Variants in SPOCK1 observed in about 807,000 individuals in gnomAD.
SPOCK1 encodes the protein SPARC (osteonectin), cwcv and kazal like domains proteoglycan 1.
A neutral mutation model predicts 55.3 loss-of-function variants in SPOCK1; 23 were observed. The ratio of observed to expected loss-of-function variants is 0.42; its 90% CI spans 0.30 to 0.59. The LOEUF is 0.59. Among genes scored for constraint, SPOCK1 ranks in the 20% least tolerant of loss-of-function variants. SPOCK1 has a pLI of 0.22. For missense variants in SPOCK1, 499 were observed against 552.5 expected (o/e 0.90, Z 0.97); for synonymous variants, 226 against 221.0 (o/e 1.02, Z -0.20).
chr5:137,484,857 T>C (rs548231617), intron 2 of SPOCK1, among the ~76,000 whole-genome samples: 14 of 152,300 alleles, frequency 9.2e-5, no homozygotes, highest in African/African-American at 3.1e-4. Flanking sequence ...AAAAACACCA[T>C]TAAAATGTCA....
chr5:137,189,671 A>G (rs923127546), intron 3 of SPOCK1, among the ~76,000 whole-genome samples: 61 of 152,292 alleles, frequency 4.0e-4, no homozygotes, highest in African/African-American at 1.4e-3. Context: ...CCCTTTTTGT[A>G]GGCCACGGAT....
intron 2 of SPOCK1, among the ~76,000 whole-genome samples, chr5:137,381,117 C>T (rs1052075227): frequency 6.6e-6 from 1 of 152,042 alleles, no homozygotes; most frequent in African/African-American, 2.4e-5. Context: ...AAGTCCAAAA[C>T]TGAGCAGGGC....
chr5:137,170,473 TA>T (rs1230387444), intron 3 of SPOCK1, among the ~76,000 whole-genome samples: 1 of 152,160 alleles, frequency 6.6e-6, no homozygotes, highest in African/African-American at 2.4e-5. Flanking sequence ...AATGTGATGA[TA>T]TTTGGAGATG....
chr5:137,370,180 G>T (rs1051546150), intron 2 of SPOCK1, among the ~76,000 whole-genome samples: 1 of 152,072 alleles, frequency 6.6e-6, no homozygotes, highest in Non-Finnish European at 1.5e-5. Flanking sequence ...CTTCTCACCC[G>T]CTGCCTACCT....
At chr5:137,030,804 T>C (rs1751764169) in intron 6 of SPOCK1, among the ~76,000 whole-genome samples, 1 of 152,218 alleles carries the variant, frequency 6.6e-6, no homozygotes, top group Admixed American at 6.5e-5. Context: ...TAACAAAATA[T>C]TTTGAATAGC....
chr5:136,980,747 T>C (rs1416842074), intron 9 of SPOCK1, among the ~76,000 whole-genome samples: 2 of 152,170 alleles, frequency 1.3e-5, no homozygotes, highest in East Asian at 3.8e-4. Flanking sequence ...GATTGAGGCA[T>C]ATAATTTTGT....
chr5:137,183,332 G>GA (rs933953472), intron 3 of SPOCK1, among the ~76,000 whole-genome samples: 2 of 152,088 alleles, frequency 1.3e-5, no homozygotes, highest in African/African-American at 4.8e-5. Context: ...AAAAAGTCAG[G>GA]AAAAAAGTCT....
At chr5:137,052,259 C>G (rs1296861241) in intron 6 of SPOCK1, among the ~76,000 whole-genome samples, 1 of 152,300 alleles carries the variant, frequency 6.6e-6, no homozygotes, top group South Asian at 2.1e-4. Context: ...AAATGAAATA[C>G]ACCCTCTTTT....
intron 2 of SPOCK1, among the ~76,000 whole-genome samples, chr5:137,459,925 T>G (rs991508845): frequency 6.6e-6 from 1 of 152,126 alleles, no homozygotes; most frequent in African/African-American, 2.4e-5. Flanking sequence ...GGAAAAGGTA[T>G]GCTAGGAGAA....
At chr5:137,123,877 C>T (rs1213422949) in intron 4 of SPOCK1, among the ~76,000 whole-genome samples, 1 of 152,066 alleles carries the variant, frequency 6.6e-6, no homozygotes, top group Non-Finnish European at 1.5e-5. Context: ...GATAGATCCA[C>T]AAAAATGGAA....
At chr5:137,063,512 A>G (rs1044114453) in intron 6 of SPOCK1, among the ~76,000 whole-genome samples, 18 of 152,182 alleles carry the variant, frequency 1.2e-4, no homozygotes, top group African/African-American at 4.3e-4. Context: ...AGAGGCAGAG[A>G]AGCAGAGCAC....
intron 6 of SPOCK1, among the ~76,000 whole-genome samples, chr5:137,019,004 C>T (rs1751508874): frequency 6.6e-6 from 1 of 152,086 alleles, no homozygotes; most frequent in East Asian, 1.9e-4. Flanking sequence ...CACACACATA[C>T]ACAAAAGTGT....
intron 2 of SPOCK1, among the ~76,000 whole-genome samples, chr5:137,407,746 T>G (rs1752129919): frequency 6.6e-6 from 1 of 152,190 alleles, no homozygotes; most frequent in South Asian, 2.1e-4. Context: ...CAAGTCTTTC[T>G]GCTCTGTAAG....
At chr5:137,088,676 C>A (rs989718481) in intron 5 of SPOCK1, among the ~76,000 whole-genome samples, 10 of 152,090 alleles carry the variant, frequency 6.6e-5, no homozygotes, top group Non-Finnish European at 2.9e-5. Context: ...GTAGTAAGGT[C>A]AGAGTCCCTG....
chr5:137,105,627 A>G (rs1171990208), intron 5 of SPOCK1, among the ~76,000 whole-genome samples: 1 of 152,202 alleles, frequency 6.6e-6, no homozygotes, highest in African/African-American at 2.4e-5. Context: ...CAAGGTAGCA[A>G]TTGTTGGAAA....
rs191971842 is a variant in SPOCK1 at position 137,080,742 on chromosome 5, T to C, written c.475-12913A>G. Among the ~76,000 whole-genome samples, 250 of 152,060 alleles carry C rather than the reference T, an allele frequency of 1.6e-3. 2 individuals are homozygous for C. Among genetic ancestry groups the C allele is most frequent in the African/African-American group, 5.7e-3 (235 of 41,472 alleles). ...GCCCCACAAAGCCCTGCCACAACTA[T>C]CACCAAAGAAAGAACAAGTTTCTTG... On this transcript the variant is annotated intron_variant, in intron 5 of 10. Transcript: ENST00000394945.
rs761725763 is a variant in SPOCK1 at position 137,075,989 on chromosome 5, T to G, written c.475-8160A>C. Among the ~76,000 whole-genome samples, 80 of 152,236 alleles carry G rather than the reference T, an allele frequency of 5.3e-4. 1 individual carries two copies. Among genetic ancestry groups the G allele is most frequent in the Non-Finnish European group, 9.8e-4 (67 of 68,042 alleles). Reference sequence around the variant, plus strand: ...CTGGGATTTCGGAGAATAGTGCAGATGAGGAAGGACTTGAAGTTCCTGGGC... The same window carrying G: ...CTGGGATTTCGGAGAATAGTGCAGAGGAGGAAGGACTTGAAGTTCCTGGGC... On this transcript the variant is annotated intron_variant, in intron 5 of 10. Coordinates refer to ENST00000394945, the MANE Select transcript of SPOCK1 (RefSeq NM_004598.4).
At chr5:137,190,991 G>A (rs1420692214) in intron 3 of SPOCK1, among the ~76,000 whole-genome samples, 1 of 152,222 alleles carries the variant, frequency 6.6e-6, no homozygotes, top group Non-Finnish European at 1.5e-5. Flanking sequence ...GGAGAAGCAA[G>A]CCTTGAAAGA....
At chr5:137,059,171 T>C (rs1752351643) in intron 6 of SPOCK1, among the ~76,000 whole-genome samples, 1 of 92,408 alleles carries the variant, frequency 1.1e-5, no homozygotes, top group African/African-American at 3.5e-5. Flanking sequence ...TTGATATGCC[T>C]AGGGGCATCC....
Sources: allele counts gnomAD v4.1 joint callset (sites outside exome capture counted in the v4.1 genomes callset), GRCh38; gene constraint gnomAD v4.1.1; transcripts MANE v1.5; gene names NCBI Gene and HGNC (gene_info 2026-07-23, HGNC 2026-07-21).